TIMP3: variants seen among roughly 807,000 people sequenced by gnomAD.
TIMP3 encodes the protein metalloproteinase inhibitor 3.
In TIMP3, 11 loss-of-function variants were observed where a neutral mutation model predicts 30.0. The ratio of observed to expected loss-of-function variants is 0.37; its 90% CI spans 0.23 to 0.61. The LOEUF is 0.61. TIMP3 is among the 20% of genes least tolerant of loss of function. The pLI is 0.70. For synonymous variants in TIMP3, 112 were observed against 111.3 expected, an observed-to-expected ratio of 1.01 and a Z score of -0.04; for missense variants, 181 against 276.8, an observed-to-expected ratio of 0.65 and a Z score of 2.45.
Position 32,803,317 on chromosome 22 carries a change from G to C in TIMP3, c.121+1195G>C, listed in dbSNP as rs554665607. On this transcript the variant is annotated intron_variant, in intron 1 of 4. Coordinates refer to ENST00000266085, the MANE Select transcript of TIMP3 (RefSeq NM_000362.5). ...GTCTTGGGTGAGGGACTCTACCAGC[G>C]TGTTGTGGTGAGGAGGGGGAGGAGG... Among the ~76,000 whole-genome samples the C allele has an allele frequency of 3.1e-3, 477 of 152,184 alleles. 2 individuals carry two copies. Among genetic ancestry groups the C allele is most frequent in the Non-Finnish European group, 5.4e-3 (367 of 67,988 alleles).
In TIMP3 at chr22:32,837,304, G is replaced by A. The variant is rs2047760366; in HGVS notation, c.122-12148G>A. Among the ~76,000 whole-genome samples the A allele has an allele frequency of 6.6e-6, 1 of 152,188 alleles. No individual in the cohort carries two copies. The highest frequency in any genetic ancestry group is 2.1e-4 in the South Asian group (1 of 4,826). On this transcript the variant is annotated intron_variant, in intron 1 of 4. Coordinates refer to ENST00000266085, the MANE Select transcript of TIMP3 (RefSeq NM_000362.5). The surrounding 1 kb of genome is among the most constrained non-coding windows in gnomAD (Gnocchi z 4.1). Reference sequence around the variant, plus strand: ...TCCCATGGGCCCCCGTGGAGAGGCTGGAGCACTCTCAGGGGATAGGGGGTG... The same window carrying A: ...TCCCATGGGCCCCCGTGGAGAGGCTAGAGCACTCTCAGGGGATAGGGGGTG...
chr22:32,812,085 G>A (rs1255072704), intron 1 of TIMP3, among the ~76,000 whole-genome samples: 3 of 152,158 alleles, frequency 2.0e-5, no homozygotes, highest in Non-Finnish European at 4.4e-5. Flanking sequence ...TGGTGATACT[G>A]ACCTCCCTGG....
At chr22:32,828,125 C>G (rs2047466972) in intron 1 of TIMP3, among the ~76,000 whole-genome samples, 1 of 152,232 alleles carries the variant, frequency 6.6e-6, no homozygotes, top group Non-Finnish European at 1.5e-5. Flanking sequence ...ACTTGAAACT[C>G]TAACATTTGT....
intron 1 of TIMP3, among the ~76,000 whole-genome samples, chr22:32,811,818 A>C (rs1462077528): frequency 6.6e-6 from 1 of 152,220 alleles, no homozygotes; most frequent in African/African-American, 2.4e-5. Flanking sequence ...CAAGCCCAAC[A>C]CTTGTCAAGG....
chr22:32,810,944 G>A (rs2046899980), intron 1 of TIMP3, among the ~76,000 whole-genome samples: 1 of 152,150 alleles, frequency 6.6e-6, no homozygotes. Context: ...AGCTTGGGCA[G>A]GTTCTTTGCC....
At position 32,801,977 on chromosome 22, in the gene TIMP3, C is replaced by CCCGGCAGCG; in HGVS notation, c.-24_-16dup. On this transcript the variant is annotated 5_prime_UTR_variant, in exon 1 of 5. Transcript: ENST00000266085. This position sits in a 1 kb window ranked among gnomAD's most constrained non-coding sequence, Gnocchi z 4.7. The stretch of plus-strand genomic sequence containing the variant: ...CAACTTTGGAGAGGCGAGCAGCAGC[C>CCCGGCAGCG]CCGGCAGCGGCGGCAGCAGCGGCAA... 6.3e-7 allele frequency: 1 copy of CCCGGCAGCG among 1,581,412 alleles called. No individual in the cohort carries two copies. The highest frequency in any genetic ancestry group is 8.5e-7 in the Non-Finnish European group (1 of 1,171,026).
intron 1 of TIMP3, among the ~76,000 whole-genome samples, chr22:32,842,688 TG>T (rs1383630147): frequency 1.3e-5 from 2 of 152,220 alleles, no homozygotes; most frequent in Admixed American, 1.3e-4. Context: ...CTTCCTGTGT[TG>T]GGAGAACCCT....
In TIMP3 at chr22:32,811,396, A is replaced by T. The variant is rs8135314; in HGVS notation, c.121+9274A>T. Among the ~76,000 whole-genome samples the T allele has an allele frequency of 1.5e-3, 233 of 152,300 alleles. 1 individual carries two copies. Among genetic ancestry groups the T allele is most frequent in the African/African-American group, 5.3e-3 (220 of 41,562 alleles). Reference sequence around the variant, plus strand: ...ATGAGCTTTTAGTAGTAGTGTTGTTATAGAGCAGAGCTGATATTCTCACTT... The same window carrying T: ...ATGAGCTTTTAGTAGTAGTGTTGTTTTAGAGCAGAGCTGATATTCTCACTT... On this transcript the variant is annotated intron_variant, in intron 1 of 4. Coordinates refer to ENST00000266085, the MANE Select transcript of TIMP3 (RefSeq NM_000362.5).
At chr22:32,803,650 C>G (rs1330120972) in intron 1 of TIMP3, among the ~76,000 whole-genome samples, 1 of 152,202 alleles carries the variant, frequency 6.6e-6, no homozygotes, top group Non-Finnish European at 1.5e-5. Context: ...TCCACTTACC[C>G]TTTCCCTCCT....
chr22:32,807,303 T>C (rs1246026417), intron 1 of TIMP3, among the ~76,000 whole-genome samples: 2 of 128,440 alleles, frequency 1.6e-5, no homozygotes, highest in South Asian at 2.2e-4. Context: ...GATATATATA[T>C]ATAAATATAT....
chr22:32,849,467 T>C lies in TIMP3; in HGVS notation c.137T>C (p.Val46Ala). Residue 46 changes from valine to alanine, a missense_variant, in exon 2 of 5, where the codon GTG becomes GCG. This residue lies in a region of TIMP3 where 71 missense variants were observed against 79.7 expected (regional missense o/e 0.89). Transcript: ENST00000266085. ...GTCTCTGCAGTGATCCGGGCCAAGG[T>C]GGTGGGGAAGAAGCTGGTAAAGGAG... ...CNSDIVIRAK[V>A]VGKKLVKEGP... The C allele has an allele frequency of 6.2e-7, 1 of 1,613,628 alleles. No individual in the cohort carries two copies. The highest frequency in any genetic ancestry group is 8.5e-7 in the Non-Finnish European group (1 of 1,179,846).
chr22:32,834,938 A>G (rs1365198102), intron 1 of TIMP3, among the ~76,000 whole-genome samples: 2 of 152,178 alleles, frequency 1.3e-5, no homozygotes, highest in African/African-American at 4.8e-5. Context: ...GTCAGAATGA[A>G]CTAGTGGCCT....
rs16991329 is a variant in TIMP3 at position 32,836,499 on chromosome 22, A to T, written c.122-12953A>T. Among the ~76,000 whole-genome samples the T allele has an allele frequency of 9.8e-5, 15 of 152,316 alleles. No individual in the cohort carries two copies. The East Asian group carries it at 2.9e-3, about 29-fold the overall frequency. On this transcript the variant is annotated intron_variant, in intron 1 of 4. Coordinates refer to ENST00000266085, the MANE Select transcript of TIMP3 (RefSeq NM_000362.5). ...TTAGCATTCTTTACTTATTTATTTT[A>T]TTTAAAATGAAGGTTTCCTTAAAAG...
In TIMP3 at chr22:32,859,380, G is replaced by T. The variant is rs373056570; in HGVS notation, c.*3G>T. ...TCATCAATGCCACAGACCCCTGAGC[G>T]CCAGACCCTGCCCCACCTCACTTCC... On this transcript the variant is annotated 3_prime_UTR_variant, in exon 5 of 5. Transcript: ENST00000266085. The T allele has an allele frequency of 6.2e-7, 1 of 1,606,602 alleles. No individual in the cohort carries two copies. The highest frequency in any genetic ancestry group is 1.7e-4 in the Middle Eastern group (1 of 6,056).
chr22:32,824,788 T>C (rs995907895), intron 1 of TIMP3, among the ~76,000 whole-genome samples: 1 of 152,188 alleles, frequency 6.6e-6, no homozygotes, highest in African/African-American at 2.4e-5. Context: ...ATGTCTTTGA[T>C]ACTGAGTAAA....
At chr22:32,804,724 G>A (rs1235084703) in intron 1 of TIMP3, among the ~76,000 whole-genome samples, 1 of 152,154 alleles carries the variant, frequency 6.6e-6, no homozygotes, top group Non-Finnish European at 1.5e-5. Flanking sequence ...GTGTTTCTAT[G>A]GCAACTCCAG....
At chr22:32,814,168 AAG>A (rs2046999769) in intron 1 of TIMP3, among the ~76,000 whole-genome samples, 4 of 95,056 alleles carry the variant, frequency 4.2e-5, no homozygotes, top group Admixed American at 1.2e-4. Context: ...GAGAGAGAGA[AAG>A]AGAAAGAAAG....
intron 1 of TIMP3, among the ~76,000 whole-genome samples, chr22:32,830,022 C>T (rs929736250): frequency 5.9e-5 from 9 of 152,212 alleles, no homozygotes; most frequent in Non-Finnish European, 8.8e-5. Context: ...CTCGCTTCAA[C>T]CTGACCTGAA....
chr22:32,838,260 G>A (rs1009548347), intron 1 of TIMP3, among the ~76,000 whole-genome samples: 1 of 152,182 alleles, frequency 6.6e-6, no homozygotes, highest in African/African-American at 2.4e-5. Flanking sequence ...GAGAAGGAGG[G>A]GGGGTGGCAA....
Sources: gnomAD v4.1 joint callset for allele counts (sites outside exome capture counted in the v4.1 genomes callset) on GRCh38, gnomAD v4.1.1 for gene constraint, gnomAD v4.1.1 regional missense constraint, Gnocchi (gnomAD v3.1) non-coding constraint, MANE v1.5 for transcripts, NCBI Gene and HGNC (gene_info 2026-07-23, HGNC 2026-07-21) for gene names.